The following TTC27 variants were observed in gnomAD, a reference collection of about 807,000 sequenced individuals.
The protein encoded by TTC27 is tetratricopeptide repeat protein 27.
In TTC27, 79 loss-of-function variants were observed where a neutral mutation model predicts 115.9. The observed-to-expected ratio is 0.68, with a 90% CI of 0.57 to 0.82. The LOEUF (loss-of-function observed/expected upper bound fraction) is 0.82, where lower values mean the gene tolerates loss of function less well. Among genes scored for constraint, TTC27 ranks in the 40% least tolerant of loss-of-function variants. TTC27 has a pLI of 0.00. For synonymous variants in TTC27, 401 were observed against 356.0 expected (o/e 1.13, Z -1.42); for missense variants, 1,054 against 993.1 (o/e 1.06, Z -0.82).
intron 14 of TTC27, among the ~76,000 whole-genome samples, chr2:32,779,739 A>G (rs538589775): frequency 2.0e-5 from 3 of 152,306 alleles, no homozygotes; most frequent in African/African-American, 7.2e-5. Flanking sequence ...AGTCACAAAG[A>G]TGTACTCCTA....
chr2:32,700,698 C>T (rs769036565), intron 9 of TTC27, among the ~76,000 whole-genome samples: 25 of 152,100 alleles, frequency 1.6e-4, no homozygotes, highest in Non-Finnish European at 3.2e-4. Context: ...CCATCATGCC[C>T]GGCTAATTTT....
intron 13 of TTC27, among the ~76,000 whole-genome samples, chr2:32,775,533 G>C (rs1232912541): frequency 2.6e-5 from 4 of 152,138 alleles, no homozygotes; most frequent in African/African-American, 9.7e-5. Context: ...ATGGGAAATA[G>C]TATCTGTTCT....
chr2:32,785,636 C>G (rs1319867951), intron 15 of TTC27, among the ~76,000 whole-genome samples: 2 of 152,210 alleles, frequency 1.3e-5, no homozygotes, highest in South Asian at 4.1e-4. Context: ...CGCTCTGTTG[C>G]CCAGGCTGGA....
intron 13 of TTC27, among the ~76,000 whole-genome samples, chr2:32,768,067 A>C (rs1669700110): frequency 6.6e-6 from 1 of 152,224 alleles, no homozygotes; most frequent in Non-Finnish European, 1.5e-5. Context: ...ATTAGCATAA[A>C]ATATGACTAA....
intron 4 of TTC27, 56 bp from the exon 5 acceptor site, chr2:32,650,075 A>T: frequency 7.0e-7 from 1 of 1,431,096 alleles, no homozygotes; most frequent in Non-Finnish European, 9.7e-7. Context: ...CAGTTAATGT[A>T]AAAAGAGTTT....
intron 5 of TTC27, among the ~76,000 whole-genome samples, chr2:32,651,950 G>T (rs1665141651): frequency 6.6e-6 from 1 of 152,100 alleles, no homozygotes; most frequent in Admixed American, 6.6e-5. Flanking sequence ...ATAAGCCTGG[G>T]GGTCTAGCAG....
intron 16 of TTC27, among the ~76,000 whole-genome samples, chr2:32,800,429 C>T (rs1670882835): frequency 6.6e-6 from 1 of 152,042 alleles, no homozygotes; most frequent in African/African-American, 2.4e-5. Context: ...GATCTGCCCG[C>T]CTTGGCCTCC....
chr2:32,804,010 T>TAAAAAAAAAA (rs56712262), intron 16 of TTC27, among the ~76,000 whole-genome samples: 2 of 133,916 alleles, frequency 1.5e-5, no homozygotes, highest in Non-Finnish European at 3.2e-5. Flanking sequence ...CCATCTCAAT[T>TAAAAAAAAAA]AAAAAAAAAA....
chr2:32,779,129 G>A (rs1040042685), intron 14 of TTC27, among the ~76,000 whole-genome samples: 5 of 152,154 alleles, frequency 3.3e-5, no homozygotes, highest in East Asian at 3.9e-4. Flanking sequence ...AGGCTGAGGC[G>A]GGAGAATCAC....
chr2:32,688,878 A>T (rs915703882), intron 9 of TTC27, among the ~76,000 whole-genome samples: 1 of 152,120 alleles, frequency 6.6e-6, no homozygotes. Context: ...GCCATGAGAA[A>T]TGAAAGTATA....
At chr2:32,692,447 A>G (rs1253004164) in intron 9 of TTC27, among the ~76,000 whole-genome samples, 1 of 152,120 alleles carries the variant, frequency 6.6e-6, no homozygotes, top group Non-Finnish European at 1.5e-5. Context: ...TTTAATGGGT[A>G]TAGAGTTTCA....
rs186143009 is a variant in TTC27, at chr2:32,654,329, C to T, written c.640+4096C>T. Among the ~76,000 whole-genome samples the T allele has an allele frequency of 2.1e-3, 318 of 152,214 alleles. 1 individual carries two copies. Among genetic ancestry groups the T allele is most frequent in the African/African-American group, 7.1e-3 (293 of 41,542 alleles). On this transcript the variant is annotated intron_variant, in intron 5 of 19. Coordinates refer to ENST00000317907, the MANE Select transcript of TTC27 (RefSeq NM_017735.5). ...TGAAGTCTTTAATTATATTAACTAG[C>T]TTATTCCTAACAACTATGAGGTAGA...
intron 10 of TTC27, chr2:32,704,809 A>T: frequency 2.1e-6 from 1 of 465,678 alleles, no homozygotes. Context: ...TTCAGGTCAT[A>T]GAATTTTGGC....
chr2:32,723,720 C>CCT (rs1668006213), intron 10 of TTC27, among the ~76,000 whole-genome samples: 1 of 34,822 alleles, frequency 2.9e-5, no homozygotes, highest in Non-Finnish European at 6.4e-5. Context: ...CCCTCCCTCC[C>CCT]TCCCTCCCTC....
chr2:32,754,655 T>G (rs1296714412), intron 12 of TTC27, among the ~76,000 whole-genome samples: 3 of 151,518 alleles, frequency 2.0e-5, no homozygotes, highest in Non-Finnish European at 2.9e-5. Context: ...CAATGAGCTG[T>G]TGGGTACACC....
At position 32,662,679 on chromosome 2, in the gene TTC27, C is replaced by T. The variant is rs796473579; in HGVS notation, c.641-1624C>T. Among the ~76,000 whole-genome samples, 7 of 152,200 alleles carry T rather than the reference C, an allele frequency of 4.6e-5. 1 individual carries two copies. The highest frequency in any genetic ancestry group is 1.7e-4 in the African/African-American group (7 of 41,534). On this transcript the variant is annotated intron_variant, in intron 5 of 19. Coordinates refer to ENST00000317907, the MANE Select transcript of TTC27 (RefSeq NM_017735.5). ...TCTCTTTTCTTCTTTATTAGTCTGG[C>T]TAGCGGTCTATCTACTTTGTTAACC...
intron 10 of TTC27, among the ~76,000 whole-genome samples, chr2:32,715,447 C>A (rs1163198119): frequency 6.6e-6 from 1 of 152,072 alleles, no homozygotes; most frequent in African/African-American, 2.4e-5. Context: ...GTTTTTTGTA[C>A]CAGTACCATG....
intron 4 of TTC27, among the ~76,000 whole-genome samples, chr2:32,642,593 C>T (rs1038060945): frequency 2.0e-5 from 3 of 151,942 alleles, no homozygotes; most frequent in African/African-American, 7.2e-5. Flanking sequence ...GGAAGTGGTG[C>T]CTCTATTTGC....
At chr2:32,704,332 A>G (rs1185477265) in intron 10 of TTC27, among the ~76,000 whole-genome samples, 2 of 151,986 alleles carry the variant, frequency 1.3e-5, no homozygotes, top group Admixed American at 6.6e-5. Flanking sequence ...GATTACAGGC[A>G]TACACCACCA....
Sources: allele counts gnomAD v4.1 joint callset (sites outside exome capture counted in the v4.1 genomes callset), GRCh38; gene constraint gnomAD v4.1.1; transcripts MANE v1.5; gene names NCBI Gene and HGNC (gene_info 2026-07-23, HGNC 2026-07-21).